The following KCND3 variants were observed in gnomAD, a reference collection of about 807,000 sequenced individuals.
KCND3 encodes the protein A-type voltage-gated potassium channel KCND3.
In KCND3, 9 loss-of-function variants were observed where a neutral mutation model predicts 51.1. That is an observed-to-expected ratio of 0.18 (90% CI 0.11 to 0.31). KCND3 has a LOEUF of 0.31. KCND3 is among the 10% of genes least tolerant of loss of function. KCND3 has a pLI of 1.00. For synonymous variants in KCND3, 349 were observed against 368.0 expected, an observed-to-expected ratio of 0.95 and a Z score of 0.59; for missense variants, 526 against 903.8, an observed-to-expected ratio of 0.58 and a Z score of 5.36.
chr1:111,873,837 G>A (rs1216342540), intron 2 of KCND3, among the ~76,000 whole-genome samples: 1 of 152,028 alleles, frequency 6.6e-6, no homozygotes, highest in Non-Finnish European at 1.5e-5. Context: ...CTGTTTGGCA[G>A]CCTGTGGTAC....
intron 2 of KCND3, among the ~76,000 whole-genome samples, chr1:111,941,922 G>T (rs533065846): frequency 6.6e-6 from 1 of 152,220 alleles, no homozygotes; most frequent in African/African-American, 2.4e-5. Context: ...TTGGGGGTCA[G>T]GGAATCAGAG....
chr1:111,785,752 C>T (rs563830023), intron 3 of KCND3, among the ~76,000 whole-genome samples: 10 of 152,068 alleles, frequency 6.6e-5, no homozygotes, highest in East Asian at 5.8e-4. Flanking sequence ...TCCTCCATAA[C>T]GACATTAACT....
At chr1:111,908,459 T>C (rs1423538606) in intron 2 of KCND3, among the ~76,000 whole-genome samples, 2 of 152,156 alleles carry the variant, frequency 1.3e-5, no homozygotes, top group African/African-American at 2.4e-5. Context: ...TGTAAGCTAG[T>C]AGGTGGCAGG....
chr1:111,811,184 CCT>C (rs1322477352), intron 2 of KCND3, among the ~76,000 whole-genome samples: 1 of 152,158 alleles, frequency 6.6e-6, no homozygotes, highest in African/African-American at 2.4e-5. Flanking sequence ...AGGTCATCTT[CCT>C]CTCTGTGCTT....
At chr1:111,985,625 A>G (rs1675231705) in intron 1 of KCND3, among the ~76,000 whole-genome samples, 1 of 152,178 alleles carries the variant, frequency 6.6e-6, no homozygotes, top group Non-Finnish European at 1.5e-5. Flanking sequence ...AGGGGTTGCC[A>G]AGGGTGAGCG....
intron 2 of KCND3, among the ~76,000 whole-genome samples, chr1:111,938,536 G>A (rs1672328148): frequency 6.6e-6 from 1 of 152,178 alleles, no homozygotes. Flanking sequence ...GAACAACACG[G>A]GGGAAGGGGA....
At chr1:111,861,826 G>A (rs923318609) in intron 2 of KCND3, among the ~76,000 whole-genome samples, 1 of 152,188 alleles carries the variant, frequency 6.6e-6, no homozygotes, top group African/African-American at 2.4e-5. Context: ...ATCTATCAGC[G>A]GACCGCCTCC....
intron 2 of KCND3, among the ~76,000 whole-genome samples, chr1:111,847,608 C>A (rs1553246753): frequency 6.6e-6 from 1 of 152,162 alleles, no homozygotes; most frequent in Non-Finnish European, 1.5e-5. Flanking sequence ...AGTCCCCATT[C>A]CTGAGGGCAA....
intron 2 of KCND3, among the ~76,000 whole-genome samples, chr1:111,791,058 C>T (rs539705220): frequency 7.9e-5 from 12 of 152,290 alleles, no homozygotes; most frequent in African/African-American, 1.7e-4. Flanking sequence ...TGTGTGGACA[C>T]GTTTTCATTT....
intron 2 of KCND3, among the ~76,000 whole-genome samples, chr1:111,862,194 A>G (rs1055341598): frequency 2.0e-5 from 3 of 152,266 alleles, no homozygotes; most frequent in Non-Finnish European, 2.9e-5. Context: ...AAAGTACAGT[A>G]TTAGCTGAAG....
chr1:111,893,615 G>A (rs988674298), intron 2 of KCND3, among the ~76,000 whole-genome samples: 2 of 152,114 alleles, frequency 1.3e-5, no homozygotes, highest in African/African-American at 2.4e-5. Context: ...GCCCCTATGC[G>A]GTGCTTCACC....
At chr1:111,833,577 T>C (rs775498011) in intron 2 of KCND3, among the ~76,000 whole-genome samples, 1 of 152,192 alleles carries the variant, frequency 6.6e-6, no homozygotes, top group Admixed American at 6.5e-5. Context: ...CCAGAATTTG[T>C]TGGATGAGGA....
At chr1:111,854,058 G>T (rs1667946703) in intron 2 of KCND3, 1 of 152,218 alleles carries the variant, frequency 6.6e-6, no homozygotes, top group Non-Finnish European at 1.5e-5. Flanking sequence ...GCCTGAAAAA[G>T]TACAGAAGGC....
intron 2 of KCND3, among the ~76,000 whole-genome samples, chr1:111,863,865 G>A (rs928995283): frequency 2.0e-5 from 3 of 152,132 alleles, no homozygotes; most frequent in Non-Finnish European, 2.9e-5. Flanking sequence ...AATGATGAGG[G>A]GGGTTAACTA....
chr1:111,929,165 C>G (rs1269452498), intron 2 of KCND3, among the ~76,000 whole-genome samples: 1 of 152,194 alleles, frequency 6.6e-6, no homozygotes, highest in Admixed American at 6.5e-5. Context: ...ACCAACCAGC[C>G]CACGCCCAGA....
At chr1:111,976,018 C>T (rs1442863026) in intron 2 of KCND3, among the ~76,000 whole-genome samples, 1 of 152,276 alleles carries the variant, frequency 6.6e-6, no homozygotes, top group African/African-American at 2.4e-5. Context: ...TTGTCATATC[C>T]GGCTTTAATT....
At chr1:111,866,263 C>CTTTTTTTTTTTTTTTTTTTTTTTTTTT (rs11399761) in intron 2 of KCND3, among the ~76,000 whole-genome samples, 2 of 54,222 alleles carry the variant, frequency 3.7e-5, no homozygotes, top group African/African-American at 9.2e-5. Flanking sequence ...CTTTTCTTTT[C>CTTTTTTTTTTTTTTTTTTTTTTTTTTT]TTTTTTTTTT....
intron 2 of KCND3, among the ~76,000 whole-genome samples, chr1:111,856,648 C>T (rs1668086547): frequency 6.6e-6 from 1 of 152,252 alleles, no homozygotes; most frequent in South Asian, 2.1e-4. Context: ...GCCCCACCTG[C>T]CAAAGGTGAC....
rs555847548 is a variant in KCND3, at chr1:111,798,767, G to A, written c.1107-11661C>T. On this transcript the variant is annotated intron_variant, in intron 2 of 7. Coordinates refer to ENST00000302127, the MANE Select transcript of KCND3 (RefSeq NM_001378969.1). Reference sequence around the variant, plus strand: ...GTGAATGAATTATGAAAAGATTATCGGTGGAACTGCTGACTCGGCATACTG... The same window carrying A: ...GTGAATGAATTATGAAAAGATTATCAGTGGAACTGCTGACTCGGCATACTG... Among the ~76,000 whole-genome samples, 56 of 150,332 alleles carry A rather than the reference G, an allele frequency of 3.7e-4. 1 individual carries two copies. Among genetic ancestry groups the A allele is most frequent in the South Asian group, 2.3e-3 (11 of 4,696 alleles).
Sources: gnomAD v4.1 joint callset for allele counts (sites outside exome capture counted in the v4.1 genomes callset) on GRCh38, gnomAD v4.1.1 for gene constraint, MANE v1.5 for transcripts, NCBI Gene and HGNC (gene_info 2026-07-23, HGNC 2026-07-21) for gene names.